INPP5A: variants seen among roughly 807,000 people sequenced by gnomAD.
INPP5A encodes the protein inositol polyphosphate-5-phosphatase A.
INPP5A carries 14 observed loss-of-function variants against 65.2 expected under a neutral mutation model. The ratio of observed to expected loss-of-function variants is 0.21; its 90% CI spans 0.14 to 0.34. The LOEUF is 0.34. Among genes scored for constraint, INPP5A ranks in the 10% least tolerant of loss-of-function variants. The pLI, the probability that INPP5A is intolerant of heterozygous loss-of-function variation, is 1.00. For missense variants in INPP5A, 431 were observed against 545.6 expected, an observed-to-expected ratio of 0.79 and a Z score of 2.09; for synonymous variants, 207 against 208.3, an observed-to-expected ratio of 0.99 and a Z score of 0.05.
intron 12 of INPP5A, among the ~76,000 whole-genome samples, chr10:132,766,209 G>A (rs1441381458): frequency 2.0e-5 from 3 of 152,232 alleles, no homozygotes; most frequent in Non-Finnish European, 2.9e-5. Context: ...ATGTATCTGT[G>A]TGTCCTGCAC....
chr10:132,681,125 G>A lies in INPP5A; in HGVS notation c.307-9267G>A, dbSNP rs377516241. Among the ~76,000 whole-genome samples, 41 of 152,372 alleles carry A rather than the reference G, an allele frequency of 2.7e-4. 1 individual carries two copies. In the South Asian group the frequency reaches 8.1e-3, roughly 30 times the overall value. On this transcript the variant is annotated intron_variant, in intron 4 of 15. Coordinates refer to ENST00000368594, the MANE Select transcript of INPP5A (RefSeq NM_005539.5). ...GAAGCCAGCTGGGCTCCTGAGTCTG[G>A]TGGGGACGTGCAGAACCTTTGTATC...
chr10:132,719,741 G>A (rs1361083513), intron 8 of INPP5A, among the ~76,000 whole-genome samples: 2 of 151,112 alleles, frequency 1.3e-5, no homozygotes, highest in African/African-American at 4.9e-5. Context: ...TGTCTTCAGG[G>A]TTCTGTGGTA....
intron 2 of INPP5A, among the ~76,000 whole-genome samples, chr10:132,643,485 G>A (rs1362422387): frequency 6.6e-6 from 1 of 152,182 alleles, no homozygotes; most frequent in Non-Finnish European, 1.5e-5. Context: ...GGGCAACAGA[G>A]TGAGACCCTG....
intron 5 of INPP5A, among the ~76,000 whole-genome samples, chr10:132,691,162 C>CG (rs1318864426): frequency 4.6e-5 from 7 of 152,220 alleles, no homozygotes; most frequent in Admixed American, 4.6e-4. Flanking sequence ...CCTCGGGAGA[C>CG]GGAGCGGCTC....
intron 4 of INPP5A, among the ~76,000 whole-genome samples, chr10:132,657,992 G>A (rs549840550): frequency 1.2e-4 from 19 of 152,362 alleles, no homozygotes; most frequent in African/African-American, 4.6e-4. Flanking sequence ...CGTGGGACGC[G>A]ATGATGTGCG....
chr10:132,691,568 CCT>C (rs1356764624), intron 5 of INPP5A, among the ~76,000 whole-genome samples: 4 of 152,230 alleles, frequency 2.6e-5, no homozygotes, highest in Admixed American at 1.3e-4. Flanking sequence ...CATTTGAATA[CCT>C]GTTTTACTAC....
intron 1 of INPP5A, among the ~76,000 whole-genome samples, chr10:132,581,171 A>G (rs1371611541): frequency 2.0e-5 from 3 of 152,150 alleles, no homozygotes; most frequent in Non-Finnish European, 2.9e-5. Context: ...AGATGGGTCC[A>G]TATTCTTCTC....
At chr10:132,636,089 G>A (rs1056964339) in intron 2 of INPP5A, among the ~76,000 whole-genome samples, 1 of 151,200 alleles carries the variant, frequency 6.6e-6, no homozygotes, top group African/African-American at 2.4e-5. Flanking sequence ...TATATGGCAT[G>A]TATTCCATCT....
chr10:132,551,831 TCTC>T lies in INPP5A; in HGVS notation c.75+13661_75+13663del, dbSNP rs1475936717. On this transcript the variant is annotated intron_variant, in intron 1 of 15. Coordinates refer to ENST00000368594, the MANE Select transcript of INPP5A (RefSeq NM_005539.5). The surrounding 1 kb of genome is among the most constrained non-coding windows in gnomAD (Gnocchi z 5.3). ...CTGTCAGAAGAGCCAGCCGGGGTCTTCTCTGAATAGTCGGCTGCACGATTAAAC... is the reference window on the plus strand; with the variant it reads ...CTGTCAGAAGAGCCAGCCGGGGTCTTTGAATAGTCGGCTGCACGATTAAAC... 1.3e-5 allele frequency among the ~76,000 whole-genome samples: 2 copies of T among 152,202 alleles called. No homozygotes were observed. Among genetic ancestry groups the T allele is most frequent in the African/African-American group, 4.8e-5 (2 of 41,438 alleles).
At chr10:132,561,722 C>CCAGACA (rs2071208371) in intron 1 of INPP5A, among the ~76,000 whole-genome samples, 5 of 142,420 alleles carry the variant, frequency 3.5e-5, no homozygotes, top group Admixed American at 2.8e-4. Flanking sequence ...TTGTCAATTT[C>CCAGACA]CACACACACA....
chr10:132,656,220 G>A (rs964753514), intron 4 of INPP5A, among the ~76,000 whole-genome samples: 1 of 152,180 alleles, frequency 6.6e-6, no homozygotes, highest in Non-Finnish European at 1.5e-5. Context: ...CACCCACCTG[G>A]AGGAACTCCT....
chr10:132,764,801 C>A (rs1446738515), intron 11 of INPP5A, among the ~76,000 whole-genome samples: 43 of 140,060 alleles, frequency 3.1e-4, no homozygotes, highest in African/African-American at 1.2e-3. Context: ...ACGGTCGGGC[C>A]AGTCCTGCAG....
At chr10:132,677,436 A>T (rs919912953) in intron 4 of INPP5A, among the ~76,000 whole-genome samples, 3 of 152,212 alleles carry the variant, frequency 2.0e-5, no homozygotes, top group African/African-American at 7.2e-5. Context: ...GTGGAATGTG[A>T]GTGGTGACTG....
chr10:132,677,349 A>T (rs2072980266), intron 4 of INPP5A, among the ~76,000 whole-genome samples: 3 of 152,198 alleles, frequency 2.0e-5, no homozygotes. Flanking sequence ...GGCTCTGGCC[A>T]TCTGGTCACT....
At chr10:132,672,750 C>T (rs2072908407) in intron 4 of INPP5A, among the ~76,000 whole-genome samples, 1 of 152,226 alleles carries the variant, frequency 6.6e-6, no homozygotes, top group African/African-American at 2.4e-5. Context: ...ACGACTTCCA[C>T]TCCCCCTCTG....
Position 132,688,644 on chromosome 10 carries a change from AGT to A in INPP5A, c.307-1740_307-1739del, listed in dbSNP as rs533242086. ...GTGAGCAAGTGCGTGCGTGTGCATGAGTGTGTGTGCAAGTGAGTGTGAACAAG... is the reference window on the plus strand; with the variant it reads ...GTGAGCAAGTGCGTGCGTGTGCATGAGTGTGTGCAAGTGAGTGTGAACAAG... On this transcript the variant is annotated intron_variant, in intron 4 of 15. Coordinates refer to ENST00000368594, the MANE Select transcript of INPP5A (RefSeq NM_005539.5). Among the ~76,000 whole-genome samples the A allele has an allele frequency of 4.2e-3, 636 of 150,716 alleles. 4 individuals carry two copies. Among genetic ancestry groups the A allele is most frequent in the African/African-American group, 0.014 (572 of 40,748 alleles).
chr10:132,768,070 A>G (rs953971556), intron 12 of INPP5A, among the ~76,000 whole-genome samples: 5 of 137,676 alleles, frequency 3.6e-5, no homozygotes, highest in Non-Finnish European at 7.8e-5. Context: ...CCACGCACCC[A>G]ATGGCATTCC....
chr10:132,594,483 G>T (rs2819709), intron 1 of INPP5A, among the ~76,000 whole-genome samples: 37,429 of 152,076 alleles, frequency 0.25, 5,450 homozygotes, highest in East Asian at 0.5. Flanking sequence ...GTGCCCACAC[G>T]CATAGGCATG....
intron 9 of INPP5A, among the ~76,000 whole-genome samples, chr10:132,730,186 C>T (rs1846058020): frequency 6.6e-6 from 1 of 152,242 alleles, no homozygotes; most frequent in Admixed American, 6.5e-5. Context: ...GTCCTCAGCC[C>T]CTGCGGGGCC....
Sources: gnomAD v4.1 joint callset for allele counts (sites outside exome capture counted in the v4.1 genomes callset) on GRCh38, gnomAD v4.1.1 for gene constraint, Gnocchi (gnomAD v3.1) non-coding constraint, MANE v1.5 for transcripts, NCBI Gene and HGNC (gene_info 2026-07-23, HGNC 2026-07-21) for gene names.